SCYL3: variants seen among roughly 807,000 people sequenced by gnomAD.
The protein encoded by SCYL3 is SCY1 like pseudokinase 3.
Under a neutral mutation model 73.8 loss-of-function variants are expected in SCYL3, and 35 were observed. The ratio of observed to expected loss-of-function variants is 0.47; its 90% CI spans 0.36 to 0.63. The LOEUF is 0.63. SCYL3 is among the 20% of genes least tolerant of loss of function. SCYL3 has a pLI of 0.00. For missense variants in SCYL3, 712 were observed against 798.9 expected (o/e 0.89, Z 1.31); for synonymous variants, 277 against 295.2 (o/e 0.94, Z 0.63).
chr1:169,881,035 T>C (rs377722384), intron 2 of SCYL3, among the ~76,000 whole-genome samples: 208 of 152,340 alleles, frequency 1.4e-3, no homozygotes, highest in African/African-American at 4.7e-3. Flanking sequence ...GTGTCGGGAT[T>C]ACAGGCGTGA....
chr1:169,871,389 C>T (rs555742463), intron 5 of SCYL3, among the ~76,000 whole-genome samples: 2 of 152,324 alleles, frequency 1.3e-5, no homozygotes, highest in Admixed American at 6.5e-5. Flanking sequence ...CTTCTCTTGT[C>T]TGCCACCAGG....
At chr1:169,892,413 C>A (rs1662149953) in intron 1 of SCYL3, among the ~76,000 whole-genome samples, 1 of 152,190 alleles carries the variant, frequency 6.6e-6, no homozygotes. Context: ...CATGTGCCAC[C>A]ATGCCCGCCA....
Position 169,850,980 on chromosome 1 carries a change from C to CTTTTTTTTTTTT in SCYL3, c.*2721_*2732dup, listed in dbSNP as rs869158038. The CTTTTTTTTTTTT allele has an allele frequency of 2.2e-4, 7 of 31,580 alleles. 1 individual carries two copies. In the East Asian group the frequency reaches 4.1e-3, roughly 19 times the overall value. The allele number at this position is 31,580 out of a possible 1,614,324, so 2.0% of individuals were successfully genotyped here. On this transcript the variant is annotated 3_prime_UTR_variant, in exon 13 of 13. Coordinates refer to ENST00000367771, the MANE Select transcript of SCYL3 (RefSeq NM_020423.7). ...TATTTTGGGTATAATTTAGGCATGG[C>CTTTTTTTTTTTT]TTTTTTTTTTTTTTTTTTTTTTTTT...
In SCYL3 at chr1:169,851,598, TCCTGCAAAGA is replaced by T; in HGVS notation, c.*2105_*2114del. ...TAAAGGTTAGCAGACTATCATTTTT[TCCTGCAAAGA>T]CAACTCTATAACTAACTATTTTGTA... On this transcript the variant is annotated 3_prime_UTR_variant, in exon 13 of 13. Coordinates refer to ENST00000367771, the MANE Select transcript of SCYL3 (RefSeq NM_020423.7). 3 of 582,160 alleles carry T rather than the reference TCCTGCAAAGA, an allele frequency of 5.2e-6. No homozygotes were observed. Among genetic ancestry groups the T allele is most frequent in the African/African-American group, 3.8e-5 (2 of 53,280 alleles). The allele number at this position is 582,160 out of a possible 1,614,324, so 36.1% of individuals were successfully genotyped here.
chr1:169,858,873 A>C (rs1659407629), intron 11 of SCYL3, among the ~76,000 whole-genome samples, 168 bp downstream of exon 11: 1 of 152,136 alleles, frequency 6.6e-6, no homozygotes. Context: ...AAAAGTATGA[A>C]AGGATTCCCA....
chr1:169,860,313 G>C (rs1659532737), intron 10 of SCYL3, among the ~76,000 whole-genome samples: 2 of 152,192 alleles, frequency 1.3e-5, no homozygotes, highest in Admixed American at 1.3e-4. Context: ...AAACACCTTA[G>C]AAGACAGTCA....
intron 9 of SCYL3, 118 bp from the exon 10 acceptor site, chr1:169,862,915 T>G: frequency 1.1e-6 from 1 of 942,904 alleles, no homozygotes; most frequent in Non-Finnish European, 1.6e-6. Flanking sequence ...CTCTTCTAAA[T>G]TCTTTTTTTC....
rs575121406 is a variant in SCYL3, at chr1:169,873,684, A to G, written c.522+12T>C. The stretch of plus-strand genomic sequence containing the variant: ...AAGGCACCTTCATTATATGTGAAGT[A>G]TATCATCTTACCATCTCTTCAGGAG... On this transcript the variant is annotated intron_variant, in intron 5 of 12. Coordinates refer to ENST00000367771, the MANE Select transcript of SCYL3 (RefSeq NM_020423.7). 2.5e-6 allele frequency: 4 copies of G among 1,577,738 alleles called. No individual in the cohort carries two copies. Among genetic ancestry groups the G allele is most frequent in the Admixed American group, 3.4e-5 (2 of 58,000 alleles).
intron 9 of SCYL3, among the ~76,000 whole-genome samples, 172 bp from the exon 10 acceptor site, chr1:169,862,969 G>C (rs932254270): frequency 2.6e-5 from 4 of 152,128 alleles, no homozygotes; most frequent in African/African-American, 9.7e-5. Flanking sequence ...CTGGAGTGCA[G>C]TGGCGCGATC....
At chr1:169,881,186 G>C (rs1177324537) in intron 2 of SCYL3, among the ~76,000 whole-genome samples, 1 of 152,182 alleles carries the variant, frequency 6.6e-6, no homozygotes, top group Non-Finnish European at 1.5e-5. Flanking sequence ...AAGAATGGTA[G>C]GGATAGGAGG....
At chr1:169,870,912 T>C (rs957861764) in intron 5 of SCYL3, among the ~76,000 whole-genome samples, 1 of 152,344 alleles carries the variant, frequency 6.6e-6, no homozygotes, top group African/African-American at 2.4e-5. Flanking sequence ...ATAGTTGAGT[T>C]CATATTTCCT....
intron 1 of SCYL3, among the ~76,000 whole-genome samples, chr1:169,890,034 C>T (rs1462757017): frequency 1.3e-4 from 20 of 152,162 alleles, no homozygotes. Flanking sequence ...AGGGTGACAA[C>T]AGGTAATGTG....
chr1:169,881,814 G>A (rs1452849161), intron 2 of SCYL3, among the ~76,000 whole-genome samples: 1 of 152,322 alleles, frequency 6.6e-6, no homozygotes, highest in Non-Finnish European at 1.5e-5. Context: ...ATTTCGGGAT[G>A]AGACTGTTCT....
At chr1:169,890,626 A>G (rs1249611211) in intron 1 of SCYL3, among the ~76,000 whole-genome samples, 1 of 152,248 alleles carries the variant, frequency 6.6e-6, no homozygotes, top group African/African-American at 2.4e-5. Context: ...CCATCGTTAT[A>G]TAAGAAACAC....
rs569116834 is a variant in SCYL3 at position 169,889,372 on chromosome 1, T to C, written c.-50-482A>G. On this transcript the variant is annotated intron_variant, in intron 1 of 12. Coordinates refer to ENST00000367771, the MANE Select transcript of SCYL3 (RefSeq NM_020423.7). ...TTTAATATTAATATGTTGAAAAACA[T>C]TGTTAATATGATGAAAAACATATTA... Among the ~76,000 whole-genome samples the C allele has an allele frequency of 1.2e-4, 19 of 152,288 alleles. 1 individual carries two copies. In the South Asian group the frequency reaches 3.7e-3, roughly 30 times the overall value.
chr1:169,867,943 A>G (rs1173240937), intron 7 of SCYL3, among the ~76,000 whole-genome samples: 1 of 152,250 alleles, frequency 6.6e-6, no homozygotes, highest in Non-Finnish European at 1.5e-5. Flanking sequence ...CAAGGGAAAT[A>G]AAATATTTCT....
At chr1:169,854,188 GTTA>G (rs2102123665) in intron 12 of SCYL3, 79 bp downstream of exon 12, 2 of 1,080,162 alleles carry the variant, frequency 1.9e-6, no homozygotes, top group East Asian at 4.9e-5. Context: ...CATGTTGCTT[GTTA>G]TAAATGGGAT....
chr1:169,871,298 C>T (rs12119473), intron 5 of SCYL3, among the ~76,000 whole-genome samples: 10,139 of 152,240 alleles, frequency 0.067, 431 homozygotes, highest in Non-Finnish European at 0.099. Flanking sequence ...GCAGGTCTTT[C>T]CTGCCCTGTT....
Position 169,892,155 on chromosome 1 carries a change from T to G in SCYL3, c.-51+1633A>C, listed in dbSNP as rs542493788. 6.6e-5 allele frequency among the ~76,000 whole-genome samples: 10 copies of G among 152,324 alleles called. No homozygotes were observed. The South Asian group carries it at 1.2e-3, about 19-fold the overall frequency. ...CTTTATTGGGGGAAAATTAAAAAGG[T>G]GTGCTGATTATTGCAATTTGAGAAT... is the stretch of plus-strand genomic sequence containing the variant. On this transcript the variant is annotated intron_variant, in intron 1 of 12. Coordinates refer to ENST00000367771, the MANE Select transcript of SCYL3 (RefSeq NM_020423.7).
Sources: gnomAD v4.1 joint callset for allele counts (sites outside exome capture counted in the v4.1 genomes callset) on GRCh38, gnomAD v4.1.1 for gene constraint, MANE v1.5 for transcripts, NCBI Gene and HGNC (gene_info 2026-07-23, HGNC 2026-07-21) for gene names.